TTC7A: variants seen among roughly 807,000 people sequenced by gnomAD.
The protein encoded by TTC7A is tetratricopeptide repeat protein 7A.
TTC7A carries 110 observed loss-of-function variants against 103.7 expected under a neutral mutation model. The ratio of observed to expected loss-of-function variants is 1.06; its 90% CI spans 0.91 to 1.24. The LOEUF is 1.24. TTC7A is among the 50% of genes most tolerant of loss of function. The pLI, the probability that TTC7A is intolerant of heterozygous loss-of-function variation, is 0.00. For synonymous variants in TTC7A, 521 were observed against 467.9 expected, an observed-to-expected ratio of 1.11 and a Z score of -1.47; for missense variants, 1,340 against 1,116.3, an observed-to-expected ratio of 1.20 and a Z score of -2.86.
At chr2:47,000,197 T>G (rs1676653200) in intron 8 of TTC7A, among the ~76,000 whole-genome samples, 1 of 152,110 alleles carries the variant, frequency 6.6e-6, no homozygotes, top group South Asian at 2.1e-4. Flanking sequence ...GACTTAGTCA[T>G]TTTTGAAAAT....
chr2:46,930,517 T>TTTTG (rs145556823), intron 2 of TTC7A, among the ~76,000 whole-genome samples: 2 of 145,804 alleles, frequency 1.4e-5, no homozygotes, highest in African/African-American at 2.6e-5. Context: ...TTTTTTTTTT[T>TTTTG]AGACAAAGTC....
chr2:46,947,444 A>G (rs1340513294), intron 1 of TTC7A, among the ~76,000 whole-genome samples: 1 of 152,166 alleles, frequency 6.6e-6, no homozygotes, highest in Non-Finnish European at 1.5e-5. Flanking sequence ...GGCCAGGCAT[A>G]GTGGTTCACA....
chr2:46,954,846 C>T (rs1312479831), intron 2 of TTC7A, among the ~76,000 whole-genome samples: 1 of 152,216 alleles, frequency 6.6e-6, no homozygotes, highest in East Asian at 1.9e-4. Context: ...GCTGGGATTA[C>T]AGGCGTGAGC....
At chr2:47,063,222 G>T (rs1683930785) in intron 19 of TTC7A, among the ~76,000 whole-genome samples, 1 of 152,184 alleles carries the variant, frequency 6.6e-6, no homozygotes, top group Non-Finnish European at 1.5e-5. Flanking sequence ...CATGCTCCTG[G>T]TGTCCCCTTT....
intron 1 of TTC7A, among the ~76,000 whole-genome samples, chr2:46,943,246 G>T (rs1288947535): frequency 6.6e-6 from 1 of 152,132 alleles, no homozygotes; most frequent in Non-Finnish European, 1.5e-5. Context: ...CCTATTAGGA[G>T]GGCAGGAGTT....
chr2:47,017,657 G>T (rs901876476), intron 11 of TTC7A, among the ~76,000 whole-genome samples: 1 of 152,182 alleles, frequency 6.6e-6, no homozygotes, highest in Non-Finnish European at 1.5e-5. Context: ...TGGAAAGCTC[G>T]ACCAGCTCAG....
At chr2:46,977,876 A>G (rs1368257072) in intron 4 of TTC7A, among the ~76,000 whole-genome samples, 1 of 152,190 alleles carries the variant, frequency 6.6e-6, no homozygotes, top group Non-Finnish European at 1.5e-5. Flanking sequence ...TCTGTAATTG[A>G]CACTTTTGAC....
At chr2:47,041,296 C>T (rs1018677115) in intron 15 of TTC7A, among the ~76,000 whole-genome samples, 2 of 152,226 alleles carry the variant, frequency 1.3e-5, no homozygotes, top group East Asian at 3.9e-4. Context: ...ATACTGTGTG[C>T]TCAGCACTGT....
At position 47,073,936 on chromosome 2, in the gene TTC7A, C is replaced by G; in HGVS notation, c.*13C>G. On this transcript the variant is annotated 3_prime_UTR_variant, in exon 20 of 20. Transcript: ENST00000319190. ...CAGAGAGCTCTGACGACGCTGCAGC[C>G]GCAGGGAGGGAGGGGCTGGCCAGAG... 6.2e-7 allele frequency: 1 copy of G among 1,602,174 alleles called. No homozygotes were observed. Among genetic ancestry groups the G allele is most frequent in the Non-Finnish European group, 8.5e-7 (1 of 1,173,426 alleles).
At chr2:47,046,670 G>A in intron 16 of TTC7A, 2 of 513,172 alleles carry the variant, frequency 3.9e-6, no homozygotes, top group Admixed American at 7.0e-5. Flanking sequence ...TGGTAAGAAG[G>A]AAGAGAAATC....
intron 4 of TTC7A, among the ~76,000 whole-genome samples, chr2:46,977,029 G>A (rs976520199): frequency 6.6e-6 from 1 of 151,762 alleles, no homozygotes; most frequent in Non-Finnish European, 1.5e-5. Flanking sequence ...TTTCATATTT[G>A]CATTGCATGT....
Position 47,049,996 on chromosome 2 carries a change from A to G in TTC7A, c.1967A>G (p.Lys656Arg). The change falls in exon 17 of 20, where the codon AAG becomes AGG. Residue 656 changes from lysine to arginine, a missense_variant. Coordinates refer to ENST00000319190, the MANE Select transcript of TTC7A (RefSeq NM_020458.4). ...GSFGEGLTMK[K>R]QSGMHLTLPD... The stretch of plus-strand genomic sequence containing the variant: ...TTCGGTGAGGGCCTCACCATGAAGA[A>G]GCAGAGTGGCATGCACCTGACTTTG... 6.2e-7 allele frequency: 1 copy of G among 1,614,188 alleles called. No individual in the cohort carries two copies. The highest frequency in any genetic ancestry group is 1.1e-5 in the South Asian group (1 of 91,088).
intron 1 of TTC7A, chr2:46,917,157 C>T: frequency 1.4e-6 from 1 of 701,052 alleles, no homozygotes; most frequent in Non-Finnish European, 2.6e-6. Flanking sequence ...ATCCCATAAT[C>T]CCTAATTTTT....
intron 7 of TTC7A, among the ~76,000 whole-genome samples, 190 bp from the exon 8 acceptor site, chr2:46,994,946 C>G (rs1197271461): frequency 4.6e-5 from 7 of 152,158 alleles, no homozygotes; most frequent in Admixed American, 2.6e-4. Flanking sequence ...AGCCCAGCAG[C>G]CACCACCCAC....
chr2:47,053,292 C>T (rs545920031), intron 18 of TTC7A, among the ~76,000 whole-genome samples: 6 of 152,276 alleles, frequency 3.9e-5, no homozygotes, highest in East Asian at 1.9e-4. Context: ...AGGTTCCCGT[C>T]GTCTTCTAAG....
At chr2:46,987,781 G>A (rs1050803445) in intron 5 of TTC7A, among the ~76,000 whole-genome samples, 1 of 151,908 alleles carries the variant, frequency 6.6e-6, no homozygotes, top group Admixed American at 6.6e-5. Flanking sequence ...GGTTGTTCAG[G>A]CCGGTGAAAG....
chr2:46,967,781 G>A (rs943697676), intron 3 of TTC7A, among the ~76,000 whole-genome samples: 1 of 152,172 alleles, frequency 6.6e-6, no homozygotes, highest in Non-Finnish European at 1.5e-5. Flanking sequence ...ATACCTGGAA[G>A]TGGAATTGCT....
intron 15 of TTC7A, among the ~76,000 whole-genome samples, chr2:47,033,221 C>G (rs1054939007): frequency 5.9e-5 from 9 of 152,198 alleles, no homozygotes; most frequent in African/African-American, 1.9e-4. Flanking sequence ...ATTAAACAAC[C>G]GGTCCGGTAA....
At chr2:46,932,945 C>G (rs374019103) in intron 2 of TTC7A, among the ~76,000 whole-genome samples, 1 of 151,276 alleles carries the variant, frequency 6.6e-6, no homozygotes, top group Admixed American at 6.6e-5. Context: ...TATTTTAAGG[C>G]TCAAAACTGC....
Sources: allele counts gnomAD v4.1 joint callset (sites outside exome capture counted in the v4.1 genomes callset), GRCh38; gene constraint gnomAD v4.1.1; transcripts MANE v1.5; gene names NCBI Gene and HGNC (gene_info 2026-07-23, HGNC 2026-07-21).